The following ERO1B variants were observed in gnomAD, a reference collection of about 807,000 sequenced individuals.
ERO1B encodes ERO1-like protein beta.
In ERO1B, 49 loss-of-function variants were observed where a neutral mutation model predicts 75.3. The observed-to-expected ratio is 0.65, with a 90% CI of 0.52 to 0.83. ERO1B has a LOEUF of 0.83. ERO1B is among the 40% of genes least tolerant of loss of function. ERO1B has a pLI of 0.00. For synonymous variants in ERO1B, 191 were observed against 192.9 expected (o/e 0.99, Z 0.08); for missense variants, 512 against 560.1 (o/e 0.91, Z 0.87).
chr1:236,280,007 A>G (rs1169896760), intron 1 of ERO1B, among the ~76,000 whole-genome samples: 1 of 152,068 alleles, frequency 6.6e-6, no homozygotes, highest in Non-Finnish European at 1.5e-5. Flanking sequence ...GTACAGGGGC[A>G]GGCCAGGTAC....
intron 10 of ERO1B, 70 bp from the exon 11 acceptor site, chr1:236,226,809 C>G (rs1345212467): frequency 7.8e-5 from 87 of 1,121,798 alleles, no homozygotes; most frequent in Non-Finnish European, 1.1e-4. Flanking sequence ...CAAGGAGGTT[C>G]AGTATGTAGG....
chr1:236,225,219 A>G, intron 12 of ERO1B, 80 bp from the exon 13 acceptor site: 1 of 1,296,098 alleles, frequency 7.7e-7, no homozygotes, highest in Non-Finnish European at 1.1e-6. Flanking sequence ...AAAATTTTCT[A>G]TCCTTATGAA....
intron 2 of ERO1B, among the ~76,000 whole-genome samples, chr1:236,268,308 T>C (rs562062783): frequency 4.6e-5 from 7 of 151,920 alleles, no homozygotes; most frequent in African/African-American, 7.2e-5. Flanking sequence ...GGCGTGGTGG[T>C]GGGCGCCTGT....
Position 236,218,361 on chromosome 1 carries a change from A to AT in ERO1B, c.*154dup. The stretch of plus-strand genomic sequence containing the variant: ...AAATATCTCTAGTTGATAATAATCT[A>AT]TTAAGAATCATAAATATTCAAGTGA... On this transcript the variant is annotated 3_prime_UTR_variant, in exon 16 of 16. Transcript: ENST00000354619. 1 of 528,950 alleles carries AT rather than the reference A, an allele frequency of 1.9e-6. No individual in the cohort carries two copies. The highest frequency in any genetic ancestry group is 2.7e-6 in the Non-Finnish European group (1 of 364,202). The allele number at this position is 528,950 out of a possible 1,614,324, so 32.8% of individuals were successfully genotyped here. A position where few individuals can be genotyped will look rare whatever the true frequency, so the allele number is the denominator to read the frequency against.
intron 13 of ERO1B, among the ~76,000 whole-genome samples, chr1:236,224,333 T>C (rs112421256): frequency 4.2e-4 from 64 of 152,140 alleles, no homozygotes; most frequent in African/African-American, 1.4e-3. Flanking sequence ...AGATTATTTG[T>C]GGCCAGGTAT....
At chr1:236,224,493 A>C (rs529981440) in intron 13 of ERO1B, among the ~76,000 whole-genome samples, 2 of 151,916 alleles carry the variant, frequency 1.3e-5, no homozygotes, top group Admixed American at 1.3e-4. Context: ...TGCCAATTTC[A>C]AATACTTTTA....
chr1:236,251,353 G>A (rs892336080), intron 4 of ERO1B: 3 of 219,866 alleles, frequency 1.4e-5, no homozygotes, highest in African/African-American at 7.0e-5. Context: ...AGCTCTGGGA[G>A]GAAGGAATTA....
intron 6 of ERO1B, among the ~76,000 whole-genome samples, chr1:236,240,575 A>C: frequency 1.3e-5 from 2 of 152,324 alleles, no homozygotes; most frequent in South Asian, 2.1e-4. Flanking sequence ...TTAAACATTA[A>C]ATTTATTAAT....
At position 236,268,714 on chromosome 1, in the gene ERO1B, G is replaced by C. The variant is rs190532123; in HGVS notation, c.222+1161C>G. Among the ~76,000 whole-genome samples the C allele has an allele frequency of 9.4e-3, 1,423 of 151,430 alleles. 22 individuals carry two copies. The highest frequency in any genetic ancestry group is 0.032 in the African/African-American group (1,312 of 41,270). ...ATCCTGGCTAACATGGTGAAACCCC[G>C]TCTCTACTAAAAATACAAAATATTA... is the stretch of plus-strand genomic sequence containing the variant. On this transcript the variant is annotated intron_variant, in intron 2 of 15. Coordinates refer to ENST00000354619, the MANE Select transcript of ERO1B (RefSeq NM_019891.4).
intron 2 of ERO1B, among the ~76,000 whole-genome samples, chr1:236,258,698 C>G (rs1328372237): frequency 6.6e-6 from 1 of 152,072 alleles, no homozygotes; most frequent in Non-Finnish European, 1.5e-5. Flanking sequence ...ACCAGCCTGG[C>G]CAACGTGGTG....
rs143180522 is a variant in ERO1B, at chr1:236,231,726, G to A, written c.685+1102C>T. 5.9e-5 allele frequency among the ~76,000 whole-genome samples: 9 copies of A among 152,156 alleles called. No individual in the cohort carries two copies. In the East Asian group the frequency reaches 1.7e-3, roughly 29 times the overall value. ...GTCTAGGGATAAACTAGACGGTGGG[G>A]AATTACTTTGCCTCCTGAGAGTCTT... On this transcript the variant is annotated intron_variant, in intron 9 of 15. Transcript: ENST00000354619.
Position 236,244,035 on chromosome 1 carries a change from A to T in ERO1B, c.432-540T>A, listed in dbSNP as rs367588604. 3.9e-4 allele frequency among the ~76,000 whole-genome samples: 60 copies of T among 152,310 alleles called. 1 individual carries two copies. In the South Asian group the frequency reaches 0.012, roughly 32 times the overall value. ...TTCACAGCCTAGTTAACATTTAACA[A>T]AATCTATGATCAAGATTTCTAACTT... On this transcript the variant is annotated intron_variant, in intron 5 of 15. Coordinates refer to ENST00000354619, the MANE Select transcript of ERO1B (RefSeq NM_019891.4).
At chr1:236,225,186 G>T (rs367600444) in intron 12 of ERO1B, 47 bp from the exon 13 acceptor site, 1 of 1,548,674 alleles carries the variant, frequency 6.5e-7, no homozygotes, top group Non-Finnish European at 8.9e-7. Flanking sequence ...AAAAATCCAC[G>T]TACTCTGTAT....
At chr1:236,218,959 ACT>A (rs1384274322) in intron 15 of ERO1B, among the ~76,000 whole-genome samples, 1 of 118,258 alleles carries the variant, frequency 8.5e-6, no homozygotes. Context: ...AAGGGTAAAG[ACT>A]CTATTTCATC....
At chr1:236,236,193 C>T in intron 7 of ERO1B, 85 bp downstream of exon 7, 1 of 1,552,336 alleles carries the variant, frequency 6.4e-7, no homozygotes, top group Non-Finnish European at 8.8e-7. Flanking sequence ...TCCCAAAGTG[C>T]TGGGATTACA....
At chr1:236,245,754 T>G (rs982483812) in intron 5 of ERO1B, among the ~76,000 whole-genome samples, 1 of 130,470 alleles carries the variant, frequency 7.7e-6, no homozygotes, top group Non-Finnish European at 1.6e-5. Context: ...CCTGGCTAAT[T>G]TTTTTATTTT....
At chr1:236,243,102 T>C (rs966122766) in intron 6 of ERO1B, among the ~76,000 whole-genome samples, 1 of 152,222 alleles carries the variant, frequency 6.6e-6, no homozygotes, top group African/African-American at 2.4e-5. Flanking sequence ...TGGATTCGGA[T>C]ATGGGATCAA....
In ERO1B at chr1:236,226,488, G is replaced by C; in HGVS notation, c.833C>G (p.Pro278Arg). 6.2e-7 allele frequency: 1 copy of C among 1,613,846 alleles called. No homozygotes were observed. Among genetic ancestry groups the C allele is most frequent in the Non-Finnish European group, 8.5e-7 (1 of 1,179,968 alleles). The change falls in exon 12 of 16, where the codon CCT becomes CGT. Residue 278 changes from proline to arginine, a missense_variant. Physicochemically the swap from Pro to Arg is moderately radical, Grantham distance 103. Transcript: ENST00000354619. ...EETWGKPSWG[P>R]NIKEFKHRFD... Reference sequence around the variant, plus strand: ...GCGGTGTTTGAATTCTTTAATATTAGGTCCCCAACTGGGCTTACCCCAGGT... The same window carrying C: ...GCGGTGTTTGAATTCTTTAATATTACGTCCCCAACTGGGCTTACCCCAGGT...
intron 2 of ERO1B, among the ~76,000 whole-genome samples, chr1:236,266,830 T>C (rs1486093478): frequency 1.3e-5 from 2 of 152,190 alleles, no homozygotes; most frequent in African/African-American, 4.8e-5. Context: ...GATCATGGCA[T>C]TAACCCTCCT....
Sources: gnomAD v4.1 joint callset for allele counts (sites outside exome capture counted in the v4.1 genomes callset) on GRCh38, gnomAD v4.1.1 for gene constraint, MANE v1.5 for transcripts, NCBI Gene and HGNC (gene_info 2026-07-23, HGNC 2026-07-21) for gene names.